The following SHISA9 variants were observed in gnomAD, a reference collection of about 807,000 sequenced individuals.
The protein encoded by SHISA9 is shisa family member 9, also known as protein shisa-9.
In SHISA9, 13 loss-of-function variants were observed where a neutral mutation model predicts 38.0. The ratio of observed to expected loss-of-function variants is 0.34; its 90% CI spans 0.22 to 0.54. The LOEUF is 0.54. Among genes scored for constraint, SHISA9 ranks in the 20% least tolerant of loss-of-function variants. The pLI is 0.91. For synonymous variants in SHISA9, 275 were observed against 242.0 expected (o/e 1.14, Z -1.27); for missense variants, 538 against 575.8 (o/e 0.93, Z 0.67).
the SHISA9 span, among the ~76,000 whole-genome samples, chr16:13,550,992 G>A: frequency 1.3e-5 from 2 of 152,018 alleles, no homozygotes; most frequent in African/African-American, 2.4e-5. Flanking sequence ...GCATGTTGGT[G>A]GGTGCCTGTA....
chr16:13,083,290 A>G (rs1425020348), intron 2 of SHISA9, among the ~76,000 whole-genome samples: 1 of 152,204 alleles, frequency 6.6e-6, no homozygotes, highest in Admixed American at 6.5e-5. Flanking sequence ...TCAACTTCTC[A>G]TGGTCTCATG....
chr16:13,007,016 G>A (rs549656181), intron 2 of SHISA9, among the ~76,000 whole-genome samples: 6 of 152,046 alleles, frequency 3.9e-5, no homozygotes, highest in Non-Finnish European at 7.4e-5. Flanking sequence ...CAATGCTGTT[G>A]AGCCCCCAAA....
At chr16:13,555,604 G>A in the SHISA9 span, among the ~76,000 whole-genome samples, 1 of 152,152 alleles carries the variant, frequency 6.6e-6, no homozygotes, top group Non-Finnish European at 1.5e-5. Context: ...CAAATAACAT[G>A]GACTGCCTGG....
At chr16:13,426,856 A>G in the SHISA9 span, among the ~76,000 whole-genome samples, 4 of 152,244 alleles carry the variant, frequency 2.6e-5, no homozygotes, top group Admixed American at 1.3e-4. Flanking sequence ...AGTATCACCA[A>G]GCATTCTATT....
At chr16:13,286,396 T>A in the SHISA9 span, among the ~76,000 whole-genome samples, 1 of 152,200 alleles carries the variant, frequency 6.6e-6, no homozygotes, top group South Asian at 2.1e-4. Context: ...TACAATTTTA[T>A]ATCCTATTTT....
At chr16:13,470,803 T>C in the SHISA9 span, among the ~76,000 whole-genome samples, 11 of 152,078 alleles carry the variant, frequency 7.2e-5, no homozygotes, top group African/African-American at 2.7e-4. Context: ...TTACTACACA[T>C]TGAACTGTGT....
chr16:13,561,011 C>G, the SHISA9 span, among the ~76,000 whole-genome samples: 2 of 152,032 alleles, frequency 1.3e-5, no homozygotes, highest in African/African-American at 4.8e-5. Flanking sequence ...TTACAGGCGT[C>G]CGACACCACT....
intron 2 of SHISA9, among the ~76,000 whole-genome samples, chr16:12,968,854 T>C (rs1008777532): frequency 6.6e-6 from 1 of 152,052 alleles, no homozygotes; most frequent in Non-Finnish European, 1.5e-5. Context: ...TGTGTTCCAA[T>C]AGAATTTTAT....
At chr16:13,449,021 T>C in the SHISA9 span, among the ~76,000 whole-genome samples, 36 of 152,280 alleles carry the variant, frequency 2.4e-4, no homozygotes, top group African/African-American at 7.9e-4. Flanking sequence ...GTCATTACTG[T>C]GAAACCTTGG....
chr16:13,532,371 T>G, the SHISA9 span, among the ~76,000 whole-genome samples: 1 of 152,094 alleles, frequency 6.6e-6, no homozygotes, highest in African/African-American at 2.4e-5. Context: ...GGAAGTAAAC[T>G]TTGGCAAAAA....
intron 2 of SHISA9, among the ~76,000 whole-genome samples, chr16:13,012,987 G>C (rs1324349498): frequency 6.6e-6 from 1 of 152,166 alleles, no homozygotes; most frequent in Non-Finnish European, 1.5e-5. Context: ...GAGGGGCGTG[G>C]AGGGAGACAG....
chr16:13,355,779 G>A, the SHISA9 span, among the ~76,000 whole-genome samples: 3 of 152,140 alleles, frequency 2.0e-5, no homozygotes, highest in South Asian at 2.1e-4. Flanking sequence ...CCTGAAGCTC[G>A]ATGTCCGTGA....
At chr16:13,017,780 G>T (rs1038776966) in intron 2 of SHISA9, among the ~76,000 whole-genome samples, 1 of 152,198 alleles carries the variant, frequency 6.6e-6, no homozygotes, top group Non-Finnish European at 1.5e-5. Context: ...ATACTTCATT[G>T]TGTGATACCA....
At chr16:13,398,367 G>A in the SHISA9 span, among the ~76,000 whole-genome samples, 2 of 152,132 alleles carry the variant, frequency 1.3e-5, no homozygotes, top group Non-Finnish European at 2.9e-5. Flanking sequence ...AATTTTGACT[G>A]CACAGGGAGT....
At chr16:13,463,259 C>G in the SHISA9 span, among the ~76,000 whole-genome samples, 1 of 152,168 alleles carries the variant, frequency 6.6e-6, no homozygotes, top group African/African-American at 2.4e-5. Flanking sequence ...CGTGAGGAAG[C>G]TATTGCAATA....
At chr16:13,175,553 G>A (rs939343850) in intron 2 of SHISA9, among the ~76,000 whole-genome samples, 1 of 152,156 alleles carries the variant, frequency 6.6e-6, no homozygotes, top group Non-Finnish European at 1.5e-5. Flanking sequence ...ATTCAGTCTC[G>A]TGCCCACAGC....
At chr16:13,112,426 A>G (rs1596655069) in intron 2 of SHISA9, among the ~76,000 whole-genome samples, 1 of 152,228 alleles carries the variant, frequency 6.6e-6, no homozygotes, top group East Asian at 1.9e-4. Context: ...TTTGCCAGCC[A>G]CACTGTTGGA....
At chr16:13,173,905 A>C (rs1260025641) in intron 2 of SHISA9, among the ~76,000 whole-genome samples, 1 of 152,126 alleles carries the variant, frequency 6.6e-6, no homozygotes, top group African/African-American at 2.4e-5. Flanking sequence ...ATGATGGCTG[A>C]TTGGAGTGAC....
At chr16:13,213,653 C>T (rs577457098) in intron 4 of SHISA9, among the ~76,000 whole-genome samples, 4 of 151,516 alleles carry the variant, frequency 2.6e-5, no homozygotes, top group South Asian at 4.2e-4. Context: ...GGGGGCGGGG[C>T]GGGGGAAGAA....
Sources: allele counts gnomAD v4.1 joint callset (sites outside exome capture counted in the v4.1 genomes callset), GRCh38; gene constraint gnomAD v4.1.1; transcripts MANE v1.5; gene names NCBI Gene and HGNC (gene_info 2026-07-23, HGNC 2026-07-21).